Variants in SOX5 observed in about 807,000 individuals in gnomAD.
SOX5 encodes the protein transcription factor SOX-5.
A neutral mutation model predicts 92.0 loss-of-function variants in SOX5; 9 were observed. The observed-to-expected ratio is 0.10, with a 90% CI of 0.06 to 0.17. The LOEUF (loss-of-function observed/expected upper bound fraction) is 0.17, where lower values mean the gene tolerates loss of function less well. Ranked by LOEUF, SOX5 falls within the 10% of genes least tolerant of loss-of-function variation. SOX5 has a pLI of 1.00. For synonymous variants in SOX5, 344 were observed against 336.3 expected (o/e 1.02, Z -0.25); for missense variants, 642 against 944.5 (o/e 0.68, Z 4.20).
chr12:24,256,805 T>C (rs1941272921), intron 3 of SOX5, among the ~76,000 whole-genome samples: 1 of 152,222 alleles, frequency 6.6e-6, no homozygotes, highest in Admixed American at 6.5e-5. Flanking sequence ...AACTGCCATG[T>C]ACAGTTACCC....
At chr12:23,952,568 T>C (rs1237386192), upstream of SOX5, among the ~76,000 whole-genome samples, 3 of 152,206 alleles carry the variant, frequency 2.0e-5, no homozygotes, top group Non-Finnish European at 4.4e-5. Context: ...TGAAAGTTAG[T>C]TTTTTGACTT....
chr12:24,224,882 T>C (rs1321056941), intron 3 of SOX5, among the ~76,000 whole-genome samples: 3 of 152,214 alleles, frequency 2.0e-5, no homozygotes, highest in East Asian at 1.9e-4. Context: ...AGAGGCTACA[T>C]AGGCTGAATA....
At chr12:24,259,787 A>G (rs1941813103) in intron 3 of SOX5, among the ~76,000 whole-genome samples, 1 of 152,232 alleles carries the variant, frequency 6.6e-6, no homozygotes, top group Non-Finnish European at 1.5e-5. Flanking sequence ...AAGAATTTCT[A>G]TAGTCGGTGG....
intron 4 of SOX5, among the ~76,000 whole-genome samples, chr12:23,994,941 A>G (rs1314089769): frequency 1.3e-5 from 2 of 152,210 alleles, no homozygotes; most frequent in African/African-American, 2.4e-5. Context: ...ACAAAGCGAC[A>G]TAAATTCTGA....
intron 1 of SOX5, among the ~76,000 whole-genome samples, chr12:24,402,611 AAG>A (rs1961999790): frequency 6.6e-6 from 1 of 152,218 alleles, no homozygotes; most frequent in African/African-American, 2.4e-5. Context: ...TTTAAAGAGA[AAG>A]AATGCAAAAT....
chr12:24,312,585 A>G (rs540745029), intron 2 of SOX5, among the ~76,000 whole-genome samples: 1 of 152,340 alleles, frequency 6.6e-6, no homozygotes, highest in South Asian at 2.1e-4. Flanking sequence ...CTTGGCACAT[A>G]GTAGTTGCTC....
chr12:24,053,199 TG>T (rs1957746272), intron 4 of SOX5, among the ~76,000 whole-genome samples: 1 of 151,540 alleles, frequency 6.6e-6, no homozygotes. Flanking sequence ...TTTTTTTTTT[TG>T]AGATGGAGTC....
chr12:24,056,093 A>G (rs961103247), intron 4 of SOX5, among the ~76,000 whole-genome samples: 1 of 152,180 alleles, frequency 6.6e-6, no homozygotes, highest in Non-Finnish European at 1.5e-5. Flanking sequence ...AGGGTTAAAC[A>G]CTGAATTCAA....
chr12:24,376,022 C>G (rs1317357163), intron 1 of SOX5, among the ~76,000 whole-genome samples: 1 of 152,114 alleles, frequency 6.6e-6, no homozygotes, highest in African/African-American at 2.4e-5. Context: ...TCCTAAGATT[C>G]ACTAAGAAAG....
intron 7 of SOX5, among the ~76,000 whole-genome samples, chr12:23,655,925 A>G (rs1223659683): frequency 1.3e-5 from 2 of 152,176 alleles, no homozygotes; most frequent in Admixed American, 6.6e-5. Flanking sequence ...CATATTTAAT[A>G]GTTTCACAAC....
At chr12:24,428,776 T>C (rs996058931) in intron 1 of SOX5, among the ~76,000 whole-genome samples, 1 of 131,628 alleles carries the variant, frequency 7.6e-6, no homozygotes, top group African/African-American at 2.7e-5. Flanking sequence ...TTCCTCATCA[T>C]GTTATAGGTC....
At chr12:23,590,819 A>C (rs988935132) in intron 9 of SOX5, among the ~76,000 whole-genome samples, 3 of 151,994 alleles carry the variant, frequency 2.0e-5, no homozygotes, top group African/African-American at 7.2e-5. Flanking sequence ...GATTTTTAAA[A>C]ATTTATATAA....
chr12:23,730,997 T>C (rs1031127410), intron 6 of SOX5, among the ~76,000 whole-genome samples: 3 of 152,172 alleles, frequency 2.0e-5, no homozygotes, highest in African/African-American at 7.2e-5. Flanking sequence ...ACATTCACCC[T>C]CTCAATGTGG....
chr12:24,408,973 T>C (rs1963548943), intron 1 of SOX5, among the ~76,000 whole-genome samples: 1 of 152,204 alleles, frequency 6.6e-6, no homozygotes, highest in South Asian at 2.1e-4. Flanking sequence ...ATCCCATTAC[T>C]GGGTATATAC....
chr12:23,763,612 C>T (rs994141868), intron 3 of SOX5, among the ~76,000 whole-genome samples: 2 of 151,640 alleles, frequency 1.3e-5, no homozygotes, highest in Non-Finnish European at 1.5e-5. Flanking sequence ...ATAAAACGCC[C>T]GTAAACAGCA....
chr12:24,120,064 GTATT>G (rs1339146942), intron 4 of SOX5, among the ~76,000 whole-genome samples: 4 of 152,142 alleles, frequency 2.6e-5, no homozygotes, highest in African/African-American at 9.7e-5. Flanking sequence ...TATGCATTCT[GTATT>G]TGTTGGGCAT....
intron 2 of SOX5, among the ~76,000 whole-genome samples, chr12:24,293,860 C>T (rs1337120147): frequency 1.3e-5 from 2 of 152,146 alleles, no homozygotes; most frequent in Admixed American, 1.3e-4. Flanking sequence ...TTCTCCTCCT[C>T]AAATGGCATA....
At chr12:23,719,192 T>G (rs184951418) in intron 6 of SOX5, among the ~76,000 whole-genome samples, 3 of 152,318 alleles carry the variant, frequency 2.0e-5, no homozygotes, top group Admixed American at 2.0e-4. Flanking sequence ...AAAAATAAAA[T>G]TATCGGATAC....
At chr12:24,118,018 CAAAAAAAAAAAAAA>C (rs964710930) in intron 4 of SOX5, among the ~76,000 whole-genome samples, 3 of 41,822 alleles carry the variant, frequency 7.2e-5, no homozygotes, top group Admixed American at 2.4e-4. Context: ...GACTCTCATT[CAAAAAAAAAAAAAA>C]AAAAAAGAAA....
Sources: gnomAD v4.1 joint callset for allele counts (sites outside exome capture counted in the v4.1 genomes callset) on GRCh38, gnomAD v4.1.1 for gene constraint, MANE v1.5 for transcripts, NCBI Gene and HGNC (gene_info 2026-07-23, HGNC 2026-07-21) for gene names.